PAWR: variants seen among roughly 807,000 people sequenced by gnomAD.
PAWR encodes PRKC apoptosis WT1 regulator protein.
A neutral mutation model predicts 32.0 loss-of-function variants in PAWR; 23 were observed. The ratio of observed to expected loss-of-function variants is 0.72; its 90% CI spans 0.52 to 1.02. The LOEUF (loss-of-function observed/expected upper bound fraction) is 1.02. Among genes scored for constraint, PAWR ranks in the 50% least tolerant of loss-of-function variants. PAWR has a pLI of 0.00. For synonymous variants in PAWR, 226 were observed against 187.1 expected, an observed-to-expected ratio of 1.21 and a Z score of -1.70; for missense variants, 457 against 437.7, an observed-to-expected ratio of 1.04 and a Z score of -0.39.
At position 79,641,146 on chromosome 12, in the gene PAWR, A is replaced by G. The variant is rs374203216; in HGVS notation, c.517-19939T>C. On this transcript the variant is annotated intron_variant, in intron 2 of 6. Coordinates refer to ENST00000328827, the MANE Select transcript of PAWR (RefSeq NM_002583.4). ...TTCTCAGGTTTTGTTGCTTATACAGAAAGGCAATTGGTATTTTTTTTAAAT... is the reference window on the plus strand; with the variant it reads ...TTCTCAGGTTTTGTTGCTTATACAGGAAGGCAATTGGTATTTTTTTTAAAT... 7.2e-5 allele frequency among the ~76,000 whole-genome samples: 11 copies of G among 152,304 alleles called. 1 individual carries two copies. The highest frequency in any genetic ancestry group is 3.9e-4 in the Admixed American group (6 of 15,300).
At chr12:79,664,663 G>GGGC (rs1555177492) in intron 2 of PAWR, among the ~76,000 whole-genome samples, 1 of 149,084 alleles carries the variant, frequency 6.7e-6, no homozygotes, top group African/African-American at 2.5e-5. Flanking sequence ...TTTGGCGGGG[G>GGGC]GGGGAGGAGA....
chr12:79,605,758 T>C (rs538412440), intron 4 of PAWR, among the ~76,000 whole-genome samples: 1 of 152,256 alleles, frequency 6.6e-6, no homozygotes, highest in East Asian at 1.9e-4. Context: ...AAATTATGCT[T>C]AGCAAATGAC....
chr12:79,620,166 T>C (rs900084862), intron 3 of PAWR, among the ~76,000 whole-genome samples: 4 of 152,242 alleles, frequency 2.6e-5, no homozygotes, highest in African/African-American at 4.8e-5. Context: ...TTTAGTATGA[T>C]ATATTGTTGA....
In PAWR at chr12:79,690,014, C is replaced by A; in HGVS notation, c.231G>T (p.Ala77=). 7.7e-7 allele frequency: 1 copy of A among 1,301,532 alleles called. No individual in the cohort carries two copies. The allele number at this position is 1,301,532 out of a possible 1,614,324, so 80.6% of individuals were successfully genotyped here. A position where few individuals can be genotyped will look rare whatever the true frequency, so the allele number is the denominator to read the frequency against. Residue 77 remains alanine (A), a synonymous_variant, in exon 2 of 7, where the codon GCG becomes GCT. Transcript: ENST00000328827. The part of the protein sequence containing the change: ...NELNNNLPGG[A]PAAPAVPGPG... ...GACCGGGGACGGCAGGTGCGGCCGG[C>A]GCGCCGCCCGGGAGGTTGTTGTTGA...
Position 79,689,933 on chromosome 12 carries a change from G to A in PAWR, c.312C>T (p.Gly104=). The change falls in exon 2 of 7, where the codon GGC becomes GGT. Residue 104 remains glycine (G), a synonymous_variant. Coordinates refer to ENST00000328827, the MANE Select transcript of PAWR (RefSeq NM_002583.4). Reference sequence around the variant, plus strand: ...GGGGCTCGTCCTCCGACCGCCGCGGGCCGGGGGCCGCCCGCGTCAGCATGG... The same window carrying A: ...GGGGCTCGTCCTCCGACCGCCGCGGACCGGGGGCCGCCCGCGTCAGCATGG... ...GSAMLTRAAP[G]PRRSEDEPPA... is the part of the protein sequence containing the mutation. The A allele has an allele frequency of 7.1e-7, 1 of 1,407,826 alleles. No homozygotes were observed. The highest frequency in any genetic ancestry group is 3.3e-5 in the Admixed American group (1 of 29,882). The allele number at this position is 1,407,826 out of a possible 1,614,324, so 87.2% of individuals were successfully genotyped here.
intron 2 of PAWR, among the ~76,000 whole-genome samples, chr12:79,642,431 G>A (rs1876369909): frequency 6.6e-6 from 1 of 152,184 alleles, no homozygotes; most frequent in Non-Finnish European, 1.5e-5. Context: ...GACCAGGTGG[G>A]TTACATCACA....
chr12:79,607,030 T>C (rs1874210559), intron 4 of PAWR, among the ~76,000 whole-genome samples: 1 of 152,220 alleles, frequency 6.6e-6, no homozygotes, highest in South Asian at 2.1e-4. Flanking sequence ...AATCATTTTA[T>C]GACTTTCATG....
At chr12:79,607,769 C>T (rs1874251610) in intron 4 of PAWR, among the ~76,000 whole-genome samples, 1 of 149,940 alleles carries the variant, frequency 6.7e-6, no homozygotes, top group African/African-American at 2.4e-5. Flanking sequence ...AATAATCTGG[C>T]TGATTTTTCT....
intron 2 of PAWR, among the ~76,000 whole-genome samples, chr12:79,685,847 G>A (rs758652513): frequency 3.9e-5 from 6 of 152,032 alleles, no homozygotes; most frequent in Non-Finnish European, 5.9e-5. Flanking sequence ...TGAAAAGTAG[G>A]TTAATTTTTA....
At chr12:79,669,458 G>GT (rs1383723120) in intron 2 of PAWR, among the ~76,000 whole-genome samples, 1 of 151,680 alleles carries the variant, frequency 6.6e-6, no homozygotes, top group East Asian at 1.9e-4. Flanking sequence ...TATGATTTTC[G>GT]TATCTGCAGA....
chr12:79,675,822 G>A (rs999007826), intron 2 of PAWR, among the ~76,000 whole-genome samples: 3 of 151,938 alleles, frequency 2.0e-5, no homozygotes, highest in Non-Finnish European at 4.4e-5. Context: ...AAACCCCCAC[G>A]ACATGAAATT....
Position 79,604,961 on chromosome 12 carries a change from T to A in PAWR, c.684-8303A>T, listed in dbSNP as rs939392035. Among the ~76,000 whole-genome samples the A allele has an allele frequency of 2.6e-5, 4 of 152,302 alleles. No individual in the cohort carries two copies. In the East Asian group the frequency reaches 5.8e-4, roughly 22 times the overall value. On this transcript the variant is annotated intron_variant, in intron 4 of 6. Coordinates refer to ENST00000328827, the MANE Select transcript of PAWR (RefSeq NM_002583.4). ...GATCAGATTCCTTTTAAAAATCTTA[T>A]GAAAAATATATATCTCCTCCCAGAA...
intron 2 of PAWR, among the ~76,000 whole-genome samples, chr12:79,631,294 T>C (rs1217317609): frequency 6.6e-6 from 1 of 152,276 alleles, no homozygotes; most frequent in East Asian, 1.9e-4. Flanking sequence ...CTATTCAGTA[T>C]CTATCATACT....
At chr12:79,676,580 G>A (rs530823668) in intron 2 of PAWR, among the ~76,000 whole-genome samples, 1 of 152,206 alleles carries the variant, frequency 6.6e-6, no homozygotes, top group South Asian at 2.1e-4. Context: ...TCTGCTCTGT[G>A]TACTACAGCC....
At chr12:79,617,985 T>C (rs1176496878) in intron 3 of PAWR, among the ~76,000 whole-genome samples, 2 of 152,208 alleles carry the variant, frequency 1.3e-5, no homozygotes, top group African/African-American at 4.8e-5. Context: ...GCTGAGCACA[T>C]GTTGATGCCA....
At chr12:79,645,324 G>A (rs1317192206) in intron 2 of PAWR, among the ~76,000 whole-genome samples, 2 of 152,086 alleles carry the variant, frequency 1.3e-5, no homozygotes, top group Non-Finnish European at 2.9e-5. Context: ...TTAGATCTAA[G>A]GACATCATGA....
At chr12:79,601,272 G>T (rs1047601412) in intron 4 of PAWR, among the ~76,000 whole-genome samples, 2 of 147,216 alleles carry the variant, frequency 1.4e-5, no homozygotes, top group Admixed American at 1.4e-4. Flanking sequence ...AGGCTGGAGT[G>T]CAGTGGACAA....
intron 2 of PAWR, among the ~76,000 whole-genome samples, chr12:79,631,012 CTTTG>C (rs890855263): frequency 1.1e-4 from 16 of 152,074 alleles, no homozygotes; most frequent in African/African-American, 2.4e-5. Context: ...CAGTAAAACA[CTTTG>C]TTTAACCTTC....
rs1873354963 is a variant in PAWR at position 79,585,269 on chromosome 12, A to G, written c.*7338T>C. On this transcript the variant is annotated 3_prime_UTR_variant, in exon 7 of 7. Coordinates refer to ENST00000328827, the MANE Select transcript of PAWR (RefSeq NM_002583.4). Reference sequence around the variant, plus strand: ...AAATGCATACTGCAGTGGCTCAAAAACTTAGGCCTGCATCAAAATTACATG... The same window carrying G: ...AAATGCATACTGCAGTGGCTCAAAAGCTTAGGCCTGCATCAAAATTACATG... 1 of 340,356 alleles carries G rather than the reference A, an allele frequency of 2.9e-6. No individual in the cohort carries two copies. Among genetic ancestry groups the G allele is most frequent in the Non-Finnish European group, 5.6e-6 (1 of 177,356 alleles). The allele number at this position is 340,356 out of a possible 1,614,324, so 21.1% of individuals were successfully genotyped here.
Sources: allele counts gnomAD v4.1 joint callset (sites outside exome capture counted in the v4.1 genomes callset), GRCh38; gene constraint gnomAD v4.1.1; transcripts MANE v1.5; gene names NCBI Gene and HGNC (gene_info 2026-07-23, HGNC 2026-07-21).